ADAMTS3: variants seen among roughly 807,000 people sequenced by gnomAD.
ADAMTS3 encodes the protein A disintegrin and metalloproteinase with thrombospondin motifs 3.
ADAMTS3 carries 73 observed loss-of-function variants against 129.0 expected under a neutral mutation model. That is an observed-to-expected ratio of 0.57 (90% CI 0.47 to 0.69). The LOEUF is 0.69. Among genes scored for constraint, ADAMTS3 ranks in the 30% least tolerant of loss-of-function variants. ADAMTS3 has a pLI of 0.00. For missense variants in ADAMTS3, 1,457 were observed against 1,514.5 expected (o/e 0.96, Z 0.63); for synonymous variants, 477 against 510.8 (o/e 0.93, Z 0.89).
chr4:72,290,933 C>G lies in ADAMTS3; in HGVS notation c.2853G>C (p.Met951Ile). Reference sequence around the variant, plus strand: ...GCCGGCGGCTCTCGGGACGGTCACCCATGCAGTATTTGCTGTGCACAGAGC... The same window carrying G: ...GCCGGCGGCTCTCGGGACGGTCACCGATGCAGTATTTGCTGTGCACAGAGC... ...TNRSVHSKYC[M>I]GDRPESRRPC... Residue 951 changes from methionine (M) to isoleucine (I), a missense_variant, in exon 20 of 22, where the codon ATG becomes ATC. Transcript: ENST00000286657. 1 of 1,614,074 alleles carries G rather than the reference C, an allele frequency of 6.2e-7. No individual in the cohort carries two copies. The highest frequency in any genetic ancestry group is 8.5e-7 in the Non-Finnish European group (1 of 1,179,980).
At chr4:72,448,582 T>C (rs1413476555) in intron 3 of ADAMTS3, among the ~76,000 whole-genome samples, 4 of 151,734 alleles carry the variant, frequency 2.6e-5, no homozygotes, top group Non-Finnish European at 4.4e-5. Flanking sequence ...GCAACAATCC[T>C]AAAAATTTAT....
intron 3 of ADAMTS3, among the ~76,000 whole-genome samples, chr4:72,515,913 T>G (rs1720459318): frequency 6.6e-6 from 1 of 152,238 alleles, no homozygotes; most frequent in African/African-American, 2.4e-5. Context: ...TCCTTGTGCA[T>G]GCCTATGTCC....
intron 3 of ADAMTS3, among the ~76,000 whole-genome samples, chr4:72,444,126 C>T (rs574255879): frequency 1.1e-4 from 16 of 151,846 alleles, no homozygotes; most frequent in Non-Finnish European, 1.9e-4. Context: ...TGCACAAATG[C>T]AGCCAGTGCT....
At position 72,400,289 on chromosome 4, in the gene ADAMTS3, G is replaced by A. The variant is rs536329818; in HGVS notation, c.661+14526C>T. Among the ~76,000 whole-genome samples the A allele has an allele frequency of 4.1e-3, 594 of 145,796 alleles. 9 individuals are homozygous for A. The highest frequency in any genetic ancestry group is 0.014 in the African/African-American group (571 of 39,388). On this transcript the variant is annotated intron_variant, in intron 4 of 21. Transcript: ENST00000286657. ...GTATATATGCACACATGGTGTGTGT[G>A]TATATACGTGTGTATATATGCACAC... is the stretch of plus-strand genomic sequence containing the variant.
At chr4:72,515,227 C>T (rs1041792679) in intron 3 of ADAMTS3, among the ~76,000 whole-genome samples, 1 of 151,990 alleles carries the variant, frequency 6.6e-6, no homozygotes, top group African/African-American at 2.4e-5. Flanking sequence ...TCTTAATCCA[C>T]TCTATCATTG....
At chr4:72,501,649 T>C (rs1720027874) in intron 3 of ADAMTS3, among the ~76,000 whole-genome samples, 2 of 152,176 alleles carry the variant, frequency 1.3e-5, no homozygotes, top group Non-Finnish European at 2.9e-5. Context: ...CCCAGTACTA[T>C]GTTGAATAGG....
At chr4:72,533,779 C>T (rs1721116150) in intron 3 of ADAMTS3, among the ~76,000 whole-genome samples, 1 of 145,446 alleles carries the variant, frequency 6.9e-6, no homozygotes, top group Non-Finnish European at 1.5e-5. Context: ...CAGTTAGGTC[C>T]TCTGAAGCCT....
intron 4 of ADAMTS3, among the ~76,000 whole-genome samples, chr4:72,340,422 T>C (rs1471957569): frequency 6.6e-6 from 1 of 151,894 alleles, no homozygotes; most frequent in Non-Finnish European, 1.5e-5. Flanking sequence ...TACATATATG[T>C]GTATATGCAG....
intron 3 of ADAMTS3, among the ~76,000 whole-genome samples, chr4:72,450,829 T>C (rs1718378023): frequency 6.7e-6 from 1 of 150,046 alleles, no homozygotes; most frequent in South Asian, 2.1e-4. Flanking sequence ...AAACCAAATA[T>C]ACAAAAACAG....
At chr4:72,524,213 A>G (rs957836616) in intron 3 of ADAMTS3, among the ~76,000 whole-genome samples, 1 of 152,186 alleles carries the variant, frequency 6.6e-6, no homozygotes, top group Non-Finnish European at 1.5e-5. Flanking sequence ...CAACAAAAAG[A>G]CAAAGAGAAG....
chr4:72,411,992 T>C (rs756481738), intron 4 of ADAMTS3, among the ~76,000 whole-genome samples: 1 of 152,116 alleles, frequency 6.6e-6, no homozygotes, highest in Non-Finnish European at 1.5e-5. Flanking sequence ...AGAACTCAAA[T>C]GAATGGCAGT....
chr4:72,478,278 A>C (rs2110001902), intron 3 of ADAMTS3, among the ~76,000 whole-genome samples: 1 of 152,116 alleles, frequency 6.6e-6, no homozygotes, highest in African/African-American at 2.4e-5. Flanking sequence ...ATGAACATTG[A>C]TGCAAAAATC....
chr4:72,548,538 A>G lies in ADAMTS3; in HGVS notation c.444T>C (p.Tyr148=). The G allele has an allele frequency of 6.2e-7, 1 of 1,613,956 alleles. No individual in the cohort carries two copies. The highest frequency in any genetic ancestry group is 2.2e-5 in the East Asian group (1 of 44,862). ...RTEPLQTNCA[Y]VGDIVDIPGT... ...CTGGAATGTCCACGATGTCACCAACATAAGCACAGTTAGTCTGCAAAGGCT... is the reference window on the plus strand; with the variant it reads ...CTGGAATGTCCACGATGTCACCAACGTAAGCACAGTTAGTCTGCAAAGGCT... Residue 148 remains tyrosine, a synonymous_variant, in exon 3 of 22, where the codon TAT becomes TAC. Coordinates refer to ENST00000286657, the MANE Select transcript of ADAMTS3 (RefSeq NM_014243.3).
In ADAMTS3 at chr4:72,541,506, G is replaced by T. The variant is rs544441199; in HGVS notation, c.504+6972C>A. ...GGCATGATTGGTTTTGAAATGTGAG[G>T]ACATGAGATTTGGCGGAGGCCAGGG... On this transcript the variant is annotated intron_variant, in intron 3 of 21. Transcript: ENST00000286657. Among the ~76,000 whole-genome samples, 5 of 152,178 alleles carry T rather than the reference G, an allele frequency of 3.3e-5. No homozygotes were observed. In the East Asian group the frequency reaches 9.6e-4, roughly 29 times the overall value.
At chr4:72,297,076 A>G (rs142397189) in intron 18 of ADAMTS3, among the ~76,000 whole-genome samples, 157 of 152,250 alleles carry the variant, frequency 1.0e-3, no homozygotes, top group African/African-American at 3.6e-3. Context: ...AGACTGAAGG[A>G]TTTTAATCTG....
chr4:72,318,636 A>G lies in ADAMTS3; in HGVS notation c.1421T>C (p.Ile474Thr). The change falls in exon 10 of 22, where the codon ATC (isoleucine) becomes ACC (threonine). Residue 474 changes from isoleucine to threonine, a missense_variant. Coordinates refer to ENST00000286657, the MANE Select transcript of ADAMTS3 (RefSeq NM_014243.3). ...DWPKLPELPGINYSMDEQCRF... is the reference protein window; with the variant it reads ...DWPKLPELPGTNYSMDEQCRF... ...ACATTGCTCATCCATAGAATAATTG[A>G]TTCCAGGAAGTTCTGGGAGTTTAGG... is the stretch of plus-strand genomic sequence containing the variant. 6.2e-7 allele frequency: 1 copy of G among 1,613,838 alleles called. No individual in the cohort carries two copies. The highest frequency in any genetic ancestry group is 8.5e-7 in the Non-Finnish European group (1 of 1,179,876).
intron 21 of ADAMTS3, among the ~76,000 whole-genome samples, chr4:72,287,047 C>G (rs1249397257): frequency 6.6e-6 from 1 of 152,028 alleles, no homozygotes; most frequent in Non-Finnish European, 1.5e-5. Context: ...ATGGTACTAA[C>G]AGGGTGGGGA....
At chr4:72,364,897 G>GA (rs1720830722) in intron 4 of ADAMTS3, among the ~76,000 whole-genome samples, 1 of 151,738 alleles carries the variant, frequency 6.6e-6, no homozygotes, top group Non-Finnish European at 1.5e-5. Context: ...CCAAAACTTT[G>GA]AAAAAAATAT....
intron 3 of ADAMTS3, among the ~76,000 whole-genome samples, chr4:72,502,279 ATTGAATATTGGAAC>A (rs1720046667): frequency 6.6e-6 from 1 of 151,982 alleles, no homozygotes; most frequent in Non-Finnish European, 1.5e-5. Flanking sequence ...TTTATTGCTG[ATTGAATATTGGAAC>A]TTGATACCAT....
Sources: gnomAD v4.1 joint callset for allele counts (sites outside exome capture counted in the v4.1 genomes callset) on GRCh38, gnomAD v4.1.1 for gene constraint, MANE v1.5 for transcripts, NCBI Gene and HGNC (gene_info 2026-07-23, HGNC 2026-07-21) for gene names.